The following CIP2A variants were observed in gnomAD, a reference collection of about 807,000 sequenced individuals.
The protein encoded by CIP2A is cellular inhibitor of PP2A, also known as protein CIP2A.
In CIP2A, 103 loss-of-function variants were observed where a neutral mutation model predicts 110.9. The ratio of observed to expected loss-of-function variants is 0.93; its 90% confidence interval spans 0.79 to 1.09. The LOEUF is 1.09. Ranked by LOEUF, CIP2A falls within the 50% of genes least tolerant of loss-of-function variation. The pLI is 0.00. For missense variants in CIP2A, 1,088 were observed against 1,038.4 expected (o/e 1.05, Z -0.66); for synonymous variants, 381 against 361.6 (o/e 1.05, Z -0.61).
intron 3 of CIP2A, 21 bp downstream of exon 3, chr3:108,582,956 A>T: frequency 6.8e-7 from 1 of 1,473,832 alleles, no homozygotes; most frequent in Non-Finnish European, 9.4e-7. Flanking sequence ...AAAGGGGAAT[A>T]CACTGTGTGG....
In CIP2A at chr3:108,552,220, G is replaced by C; in HGVS notation, c.2547+14C>G. The C allele has an allele frequency of 6.5e-7, 1 of 1,544,828 alleles. No homozygotes were observed. Among genetic ancestry groups the C allele is most frequent in the Non-Finnish European group, 8.7e-7 (1 of 1,151,530 alleles). On this transcript the variant is annotated intron_variant, in intron 20 of 20. Coordinates refer to ENST00000295746, the MANE Select transcript of CIP2A (RefSeq NM_020890.3). ...TTTATTTTACTGCAAATGAGAAATG[G>C]AACAGATTCTTACCTTAATGCTCAA...
chr3:108,579,143 G>T, intron 7 of CIP2A, 138 bp downstream of exon 7: 1 of 635,178 alleles, frequency 1.6e-6, no homozygotes, highest in African/African-American at 1.8e-5. Flanking sequence ...TGTGAGTAAA[G>T]CACATCAAAA....
At position 108,552,250 on chromosome 3, in the gene CIP2A, T is replaced by C. The variant is rs755074005; in HGVS notation, c.2531A>G (p.Lys844Arg). 5.1e-6 allele frequency: 8 copies of C among 1,560,478 alleles called. No homozygotes were observed. In the Admixed American group the frequency reaches 1.7e-4, roughly 33 times the overall value. ...GATTCTTACCTTAATGCTCAACTCT[T>C]TTCTTATCTGTTCTGTTCTGCTTAA... ...KELSRTEQIR[K>R]ELSIKASSLE... Residue 844 changes from lysine (K) to arginine (R), a missense_variant, in exon 20 of 21, where the codon AAA becomes AGA. Lys to Arg is a conservative substitution (Grantham distance 26). Transcript: ENST00000295746.
At chr3:108,582,639 G>A (rs1007726879) in intron 3 of CIP2A, among the ~76,000 whole-genome samples, 1 of 152,086 alleles carries the variant, frequency 6.6e-6, no homozygotes. Flanking sequence ...TTTGTAGAAC[G>A]TTTCCTCCAC....
chr3:108,553,121 GTTTTTTTTTTT>G (rs768832281), intron 19 of CIP2A, among the ~76,000 whole-genome samples: 2 of 67,156 alleles, frequency 3.0e-5, no homozygotes, highest in Non-Finnish European at 5.3e-5. Context: ...CTTTCCTTTT[GTTTTTTTTTTT>G]TTTTTTTTTT....
At chr3:108,573,075 T>C (rs1938452770) in intron 8 of CIP2A, among the ~76,000 whole-genome samples, 1 of 152,072 alleles carries the variant, frequency 6.6e-6, no homozygotes, top group Non-Finnish European at 1.5e-5. Flanking sequence ...TTCTGCTTTT[T>C]TGTTAATGTG....
intron 11 of CIP2A, among the ~76,000 whole-genome samples, chr3:108,566,020 G>T (rs1271693567): frequency 6.6e-6 from 1 of 151,608 alleles, no homozygotes; most frequent in Non-Finnish European, 1.5e-5. Context: ...GAGGGAAGGG[G>T]TATAAAGTAA....
chr3:108,585,561 C>G (rs1221055353), intron 1 of CIP2A: 10 of 387,048 alleles, frequency 2.6e-5, no homozygotes, highest in Non-Finnish European at 5.0e-5. Context: ...AGCAATATTT[C>G]TCCTTCACAC....
chr3:108,585,032 CA>C, intron 2 of CIP2A, 32 bp downstream of exon 2: 2 of 1,583,626 alleles, frequency 1.3e-6, no homozygotes, highest in Non-Finnish European at 1.7e-6. Context: ...ATACATCTTC[CA>C]AAAACTAAAA....
rs1298932101 is a variant in CIP2A, at chr3:108,550,355, T to A, written c.*794A>T. ...TTCTGAATATGCAGCAAGAGTAGAA[T>A]CCAAATTATCCTTATGTAAATCATA... On this transcript the variant is annotated 3_prime_UTR_variant, in exon 21 of 21. Coordinates refer to ENST00000295746, the MANE Select transcript of CIP2A (RefSeq NM_020890.3). The A allele has an allele frequency of 1.3e-5, 2 of 151,522 alleles. No homozygotes were observed. The highest frequency in any genetic ancestry group is 1.3e-4 in the Admixed American group (2 of 15,224). The allele number at this position is 151,522 out of a possible 1,614,324, so 9.4% of individuals were successfully genotyped here.
Position 108,559,741 on chromosome 3 carries a change from T to G in CIP2A, c.2013+16A>C. On this transcript the variant is annotated intron_variant, in intron 16 of 20. Coordinates refer to ENST00000295746, the MANE Select transcript of CIP2A (RefSeq NM_020890.3). ...AATTTTTCTACAAATCAGATGTGTC[T>G]TTATATTCTACACACCTCTGTTTCA... is the stretch of plus-strand genomic sequence containing the variant. 6.9e-7 allele frequency: 1 copy of G among 1,453,558 alleles called. No homozygotes were observed. 90.0% of individuals were successfully genotyped at this position (1,453,558 alleles called of 1,614,324 possible).
chr3:108,562,439 C>T (rs1221828530), intron 13 of CIP2A, among the ~76,000 whole-genome samples: 1 of 152,186 alleles, frequency 6.6e-6, no homozygotes, highest in African/African-American at 2.4e-5. Flanking sequence ...CAGGGAATAT[C>T]TTACCTGTTT....
In CIP2A at chr3:108,557,314, C is replaced by T; in HGVS notation, c.2114G>A (p.Ser705Asn). 6.2e-7 allele frequency: 1 copy of T among 1,612,638 alleles called. No individual in the cohort carries two copies. The highest frequency in any genetic ancestry group is 1.3e-5 in the African/African-American group (1 of 74,922). The change falls in exon 17 of 21, where the codon AGT becomes AAT. Residue 705 changes from serine to asparagine, a missense_variant. Physicochemically the swap from Ser to Asn is conservative, Grantham distance 46. Coordinates refer to ENST00000295746, the MANE Select transcript of CIP2A (RefSeq NM_020890.3). ...AQQVESERAQSDIEHLFQHNR... is the reference protein window; with the variant it reads ...AQQVESERAQNDIEHLFQHNR... ...ATGTTGAAAGAGATGCTCAATATCA[C>T]TCTGCGCTCTTTCTGATTCAACTTG...
At position 108,560,749 on chromosome 3, in the gene CIP2A, C is replaced by G; in HGVS notation, c.1727G>C (p.Ser576Thr). Residue 576 changes from serine to threonine, a missense_variant, in exon 14 of 21, where the codon AGT (serine) becomes ACT (threonine). Coordinates refer to ENST00000295746, the MANE Select transcript of CIP2A (RefSeq NM_020890.3). ...TAAACACTTTATTGATGTTGGAAAA[C>G]TGTGATTTGATGATTGCCAGGGCAT... ...RKMPWQSSNH[S>T]FPTSIKCLTP... The G allele has an allele frequency of 6.2e-7, 1 of 1,612,542 alleles. No homozygotes were observed. The highest frequency in any genetic ancestry group is 8.5e-7 in the Non-Finnish European group (1 of 1,178,896).
Position 108,552,380 on chromosome 3 carries a change from A to C in CIP2A, c.2408-7T>G, listed in dbSNP as rs1937616778. ...TTTGTTTTTTGATGCAAATCTTAAAAGAAAAAAAAGTCAAGTATTATACTC... is the reference window on the plus strand; with the variant it reads ...TTTGTTTTTTGATGCAAATCTTAAACGAAAAAAAAGTCAAGTATTATACTC... On this transcript the variant is annotated splice_region_variant and splice_polypyrimidine_tract_variant and intron_variant, in intron 19 of 20. Transcript: ENST00000295746. The C allele has an allele frequency of 6.7e-7, 1 of 1,502,472 alleles. No homozygotes were observed. Among genetic ancestry groups the C allele is most frequent in the Non-Finnish European group, 9.0e-7 (1 of 1,114,374 alleles). 93.1% of individuals were successfully genotyped at this position (1,502,472 alleles called of 1,614,324 possible). A position where few individuals can be genotyped will look rare whatever the true frequency, so the allele number is the denominator to read the frequency against.
At chr3:108,554,277 C>G (rs1037169752) in intron 18 of CIP2A, 99 bp downstream of exon 18, 1 of 549,324 alleles carries the variant, frequency 1.8e-6, no homozygotes, top group South Asian at 2.8e-5. Flanking sequence ...AGTGACAATT[C>G]TATTAATTTT....
At chr3:108,583,229 T>C (rs985741040) in intron 2 of CIP2A, 146 bp from the exon 3 acceptor site, 18 of 430,548 alleles carry the variant, frequency 4.2e-5, no homozygotes, top group African/African-American at 1.0e-4. Context: ...AACCCTCCAA[T>C]TCAGAAATTC....
chr3:108,578,117 T>C (rs2107360329), intron 7 of CIP2A, among the ~76,000 whole-genome samples: 2 of 152,304 alleles, frequency 1.3e-5, no homozygotes, highest in Middle Eastern at 3.4e-3. Flanking sequence ...GATTCTGGGA[T>C]TCTACGATAG....
In CIP2A at chr3:108,553,711, C is replaced by T. The variant is rs1335689904; in HGVS notation, c.2344G>A (p.Glu782Lys). ...QNEKSIAQLI[E>K]KEEQRKEVQN... is the part of the protein sequence containing the mutation. ...ACTTCTTTTCTCTGTTCTTCTTTCTCTATTAATTGGGCAATACTTCTGAAG... is the reference window on the plus strand; with the variant it reads ...ACTTCTTTTCTCTGTTCTTCTTTCTTTATTAATTGGGCAATACTTCTGAAG... Residue 782 changes from glutamate (E) to lysine (K), a missense_variant, in exon 19 of 21, where the codon GAG becomes AAG. Physicochemically the swap from Glu to Lys is moderately conservative, Grantham distance 56. Coordinates refer to ENST00000295746, the MANE Select transcript of CIP2A (RefSeq NM_020890.3). The T allele has an allele frequency of 6.8e-6, 10 of 1,480,748 alleles. No homozygotes were observed. Among genetic ancestry groups the T allele is most frequent in the Non-Finnish European group, 8.5e-6 (9 of 1,062,140 alleles). 91.7% of individuals were successfully genotyped at this position (1,480,748 alleles called of 1,614,324 possible). A position where few individuals can be genotyped will look rare whatever the true frequency, so the allele number is the denominator to read the frequency against.
Sources: allele counts gnomAD v4.1 joint callset (sites outside exome capture counted in the v4.1 genomes callset), GRCh38; gene constraint gnomAD v4.1.1; transcripts MANE v1.5; gene names NCBI Gene and HGNC (gene_info 2026-07-23, HGNC 2026-07-21).